The following HERC3 variants were observed in gnomAD, a reference collection of about 807,000 sequenced individuals.
HERC3 encodes the protein HECT and RLD domain containing E3 ubiquitin protein ligase 3.
HERC3 carries 58 observed loss-of-function variants against 129.9 expected under a neutral mutation model. The observed-to-expected ratio is 0.45, with a 90% CI of 0.36 to 0.56. The LOEUF (loss-of-function observed/expected upper bound fraction) is 0.56, where lower values mean the gene tolerates loss of function less well. Among genes scored for constraint, HERC3 ranks in the 20% least tolerant of loss-of-function variants. The probability of loss-of-function intolerance (pLI) is 0.00; values close to 1 mark genes in which losing one functional copy is unlikely to be tolerated. For missense variants in HERC3, 835 were observed against 1,244.2 expected, an observed-to-expected ratio of 0.67 and a Z score of 4.95; for synonymous variants, 430 against 451.0, an observed-to-expected ratio of 0.95 and a Z score of 0.59.
At chr4:88,621,620 T>C (rs1366264737) in intron 3 of HERC3, among the ~76,000 whole-genome samples, 2 of 152,372 alleles carry the variant, frequency 1.3e-5, no homozygotes, top group African/African-American at 2.4e-5. Flanking sequence ...AGGCATTTGC[T>C]TGATGGCCTG....
intron 3 of HERC3, among the ~76,000 whole-genome samples, chr4:88,613,053 A>G (rs1724524196): frequency 6.6e-6 from 1 of 152,150 alleles, no homozygotes; most frequent in African/African-American, 2.4e-5. Flanking sequence ...GATTTCTAAT[A>G]TTGGGATTTT....
the HERC3 span, among the ~76,000 whole-genome samples, chr4:88,538,858 A>G: frequency 4.6e-5 from 7 of 152,050 alleles, no homozygotes; most frequent in Non-Finnish European, 7.4e-5. Flanking sequence ...TCCTCTTTTT[A>G]TAAGACATCT....
chr4:88,662,064 C>T, intron 10 of HERC3, among the ~76,000 whole-genome samples: 1 of 152,228 alleles, frequency 6.6e-6, no homozygotes, highest in East Asian at 1.9e-4. Flanking sequence ...CAGGATTGCG[C>T]AGAGGGAGGG....
At chr4:88,618,922 G>A (rs186332662) in intron 3 of HERC3, among the ~76,000 whole-genome samples, 1 of 152,306 alleles carries the variant, frequency 6.6e-6, no homozygotes, top group Admixed American at 6.5e-5. Flanking sequence ...GGCCACACCT[G>A]TTCCAGCCAA....
chr4:88,634,864 G>C (rs916416420), intron 3 of HERC3, among the ~76,000 whole-genome samples: 3 of 152,118 alleles, frequency 2.0e-5, no homozygotes, highest in African/African-American at 7.2e-5. Flanking sequence ...GAGTGAACCA[G>C]ATGAATAGGG....
At position 88,706,935 on chromosome 4, in the gene HERC3, A is replaced by G. The variant is rs147620387; in HGVS notation, c.3128A>G (p.Asn1043Ser). The G allele has an allele frequency of 6.2e-7, 1 of 1,614,040 alleles. No homozygotes were observed. Among genetic ancestry groups the G allele is most frequent in the African/African-American group, 1.3e-5 (1 of 74,932 alleles). Residue 1043 changes from asparagine (N) to serine (S), a missense_variant, in exon 26 of 26, where the codon AAC becomes AGC. Coordinates refer to ENST00000402738, the MANE Select transcript of HERC3 (RefSeq NM_014606.3). ...LSARLTQALD[N>S]YEGFSLA Reference sequence around the variant, plus strand: ...GCCCGGCTGACCCAGGCCCTTGACAACTATGAAGGGTTTAGTTTGGCCTGA... The same window carrying G: ...GCCCGGCTGACCCAGGCCCTTGACAGCTATGAAGGGTTTAGTTTGGCCTGA...
At chr4:88,640,429 A>G (rs1578221861) in intron 3 of HERC3, among the ~76,000 whole-genome samples, 2 of 152,344 alleles carry the variant, frequency 1.3e-5, no homozygotes, top group East Asian at 1.9e-4. Flanking sequence ...TTGTCAGGAC[A>G]TTGATGAAGC....
rs547784358 is a variant in HERC3 at position 88,686,802 on chromosome 4, G to A, written c.2574G>A (p.Thr858=). ...AGGAGACTTTCTGCCTCAACTTCAC[G>A]GTAAGAATTTCCACAGTTTACTTAG... is the stretch of plus-strand genomic sequence containing the variant. ...DVEETFCLNF[T]ICRESYGVIE... Residue 858 remains threonine, a splice_region_variant and synonymous_variant, in exon 22 of 26, where the codon ACG becomes ACA. Transcript: ENST00000402738. The A allele has an allele frequency of 5.4e-5, 87 of 1,606,424 alleles. 1 individual carries two copies. The South Asian group carries it at 8.9e-4, about 16-fold the overall frequency.
At chr4:88,676,605 TTG>T (rs1353367537) in intron 18 of HERC3, among the ~76,000 whole-genome samples, 182 bp downstream of exon 18, 8 of 152,200 alleles carry the variant, frequency 5.3e-5, no homozygotes, top group African/African-American at 1.9e-4. Context: ...GAATACACAT[TTG>T]TGTAGATTAG....
chr4:88,641,997 G>C (rs752612035), intron 3 of HERC3, among the ~76,000 whole-genome samples: 1 of 151,754 alleles, frequency 6.6e-6, no homozygotes, highest in Admixed American at 6.6e-5. Flanking sequence ...TGGGCATGCT[G>C]GTGCATGCCT....
the HERC3 span, among the ~76,000 whole-genome samples, chr4:88,576,010 C>T: frequency 6.6e-6 from 1 of 152,156 alleles, no homozygotes; most frequent in Non-Finnish European, 1.5e-5. Context: ...ATCGTTTTGA[C>T]CTTAATAAAG....
the HERC3 span, among the ~76,000 whole-genome samples, chr4:88,568,746 G>A: frequency 6.6e-6 from 1 of 151,868 alleles, no homozygotes; most frequent in Non-Finnish European, 1.5e-5. Context: ...AGTGTGTCTA[G>A]AAGTGCCATC....
Position 88,598,908 on chromosome 4 carries a change from G to A in HERC3, c.-30+3294G>A, listed in dbSNP as rs116530995. 1.5e-3 allele frequency among the ~76,000 whole-genome samples: 222 copies of A among 152,294 alleles called. 3 individuals carry two copies. Among genetic ancestry groups the A allele is most frequent in the Middle Eastern group, 0.014 (4 of 294 alleles). The stretch of plus-strand genomic sequence containing the variant: ...GTAGTCCTTCCTTTTGTTTTGTCAT[G>A]GGGAAATAAGAGGCAGGAAATGCAG... On this transcript the variant is annotated intron_variant, in intron 2 of 25. Transcript: ENST00000402738.
chr4:88,619,915 A>C (rs1725330023), intron 3 of HERC3, among the ~76,000 whole-genome samples: 1 of 152,224 alleles, frequency 6.6e-6, no homozygotes. Context: ...TTTTTAAAAG[A>C]GTAATACCTA....
chr4:88,527,293 C>T, the HERC3 span: 1 of 151,108 alleles, frequency 6.6e-6, no homozygotes, highest in Non-Finnish European at 1.5e-5. Context: ...GCTCTATCTC[C>T]CAGGCTGGAG....
intron 15 of HERC3, 21 bp downstream of exon 15, chr4:88,670,044 T>C (rs766400193): frequency 8.7e-6 from 14 of 1,611,068 alleles, no homozygotes; most frequent in Non-Finnish European, 1.2e-5. Flanking sequence ...GAGGTGCTAG[T>C]GGGGAGGGGG....
chr4:88,583,810 C>G, the HERC3 span: 1 of 152,168 alleles, frequency 6.6e-6, no homozygotes, highest in Non-Finnish European at 1.5e-5. Context: ...TAGACTTTGT[C>G]AGATTGGAAA....
chr4:88,532,792 T>G, the HERC3 span, among the ~76,000 whole-genome samples: 6 of 152,134 alleles, frequency 3.9e-5, no homozygotes, highest in Non-Finnish European at 7.4e-5. Flanking sequence ...GTTGTAATAT[T>G]TAGGAAAACA....
intron 23 of HERC3, chr4:88,697,947 A>G: frequency 1.4e-6 from 1 of 702,884 alleles, no homozygotes; most frequent in Non-Finnish European, 2.4e-6. Flanking sequence ...CCGTGTGCTC[A>G]TACTGCACCA....
Sources: allele counts gnomAD v4.1 joint callset (sites outside exome capture counted in the v4.1 genomes callset), GRCh38; gene constraint gnomAD v4.1.1; transcripts MANE v1.5; gene names NCBI Gene and HGNC (gene_info 2026-07-23, HGNC 2026-07-21).